The following NUP210 variants were observed in gnomAD, a reference collection of about 807,000 sequenced individuals.
NUP210 encodes nucleoporin 210.
In NUP210, 151 loss-of-function variants were observed where a neutral mutation model predicts 196.0. The observed-to-expected ratio is 0.77, with a 90% CI of 0.67 to 0.88. The LOEUF (loss-of-function observed/expected upper bound fraction) is 0.88. Among genes scored for constraint, NUP210 ranks in the 40% least tolerant of loss-of-function variants. The pLI is 0.00. For missense variants in NUP210, 2,314 were observed against 2,493.7 expected (o/e 0.93, Z 1.53); for synonymous variants, 1,070 against 1,052.7 (o/e 1.02, Z -0.32).
rs190246862 is a variant in NUP210 at position 13,339,395 on chromosome 3, G to A, written c.3471+459C>T. 3.3e-5 allele frequency among the ~76,000 whole-genome samples: 5 copies of A among 152,356 alleles called. No homozygotes were observed. The East Asian group carries it at 7.7e-4, about 24-fold the overall frequency. ...TACAGACCAGGTTTCTGGCGCAGCT[G>A]TGAGTGGAACCCCAAAGCAGCCTTC... On this transcript the variant is annotated intron_variant, in intron 25 of 39. Transcript: ENST00000254508.
Position 13,317,590 on chromosome 3 carries a change from G to T in NUP210, c.*91C>A. The T allele has an allele frequency of 3.1e-6, 3 of 962,414 alleles. No individual in the cohort carries two copies. Among genetic ancestry groups the T allele is most frequent in the Admixed American group, 2.0e-5 (1 of 50,168 alleles). 59.6% of individuals were successfully genotyped at this position (962,414 alleles called of 1,614,324 possible). ...GGGGCCGGGGCACTCATCTGGAGGG[G>T]CTTGTTCCAGTGTGAATGCAGCAGG... is the stretch of plus-strand genomic sequence containing the variant. On this transcript the variant is annotated 3_prime_UTR_variant, in exon 40 of 40. Transcript: ENST00000254508.
rs571340477 is a variant in NUP210, at chr3:13,384,260, C to T, written c.817+2015G>A. Among the ~76,000 whole-genome samples, 17 of 152,370 alleles carry T rather than the reference C, an allele frequency of 1.1e-4. No homozygotes were observed. The South Asian group carries it at 1.2e-3, about 11-fold the overall frequency. The stretch of plus-strand genomic sequence containing the variant: ...ATGGGCGTGAGCCACCACGCCCGGC[C>T]GGCCCTGTTGTTATAATTAGCTTTT... On this transcript the variant is annotated intron_variant, in intron 6 of 39. Transcript: ENST00000254508.
At chr3:13,330,991 T>C (rs1696975397) in intron 29 of NUP210, among the ~76,000 whole-genome samples, 1 of 152,138 alleles carries the variant, frequency 6.6e-6, no homozygotes, top group South Asian at 2.1e-4. Context: ...AGCAAATTGT[T>C]CTCAATTTAC....
chr3:13,382,600 A>G (rs1358274629), intron 6 of NUP210, among the ~76,000 whole-genome samples: 1 of 152,256 alleles, frequency 6.6e-6, no homozygotes, highest in Non-Finnish European at 1.5e-5. Context: ...AGAAGAAAAA[A>G]TTACTGTAAG....
At chr3:13,372,171 T>G in intron 12 of NUP210, 139 bp from the exon 13 acceptor site, 1 of 816,478 alleles carries the variant, frequency 1.2e-6, no homozygotes, top group Non-Finnish European at 1.9e-6. Context: ...AGTGGGGTGA[T>G]TCAGGGACAG....
rs893255345 is a variant in NUP210 at position 13,327,472 on chromosome 3, C to T, written c.4287-35G>A. The T allele has an allele frequency of 3.3e-5, 50 of 1,500,366 alleles. 2 individuals carry two copies. Among genetic ancestry groups the T allele is most frequent in the African/African-American group, 1.4e-4 (10 of 72,522 alleles). 92.9% of individuals were successfully genotyped at this position (1,500,366 alleles called of 1,614,324 possible). On this transcript the variant is annotated intron_variant, in intron 31 of 39. Transcript: ENST00000254508. ...GGAGAGAAAGGAGGGCTCTCAGTCT[C>T]GGGAAAGAAGCTTCCAACTCCCAAA...
intron 30 of NUP210, 66 bp downstream of exon 30, chr3:13,330,393 CT>C: frequency 6.8e-7 from 1 of 1,461,012 alleles, no homozygotes; most frequent in Admixed American, 1.9e-5. Flanking sequence ...ACTTTTACAC[CT>C]GAGAGGCATA....
intron 26 of NUP210, 54 bp from the exon 27 acceptor site, chr3:13,336,972 C>T (rs1697242746): frequency 6.2e-7 from 1 of 1,606,334 alleles, no homozygotes; most frequent in Non-Finnish European, 8.5e-7. Flanking sequence ...CTGGGAATGC[C>T]CCCAGAAGCT....
intron 15 of NUP210, 81 bp from the exon 16 acceptor site, chr3:13,358,476 TC>T (rs1423127423): frequency 1.5e-6 from 2 of 1,368,434 alleles, no homozygotes; most frequent in East Asian, 2.5e-5. Context: ...CCACCCCAGC[TC>T]CCTCTGACTC....
At chr3:13,408,554 C>T (rs950637846) in intron 1 of NUP210, among the ~76,000 whole-genome samples, 2 of 152,172 alleles carry the variant, frequency 1.3e-5, no homozygotes, top group Non-Finnish European at 2.9e-5. Flanking sequence ...CTTTGGGATG[C>T]CAAGGCATGT....
At chr3:13,342,653 C>T (rs965754045) in intron 21 of NUP210, among the ~76,000 whole-genome samples, 4 of 152,166 alleles carry the variant, frequency 2.6e-5, no homozygotes, top group Admixed American at 2.6e-4. Context: ...AGGAACCTGA[C>T]CGCAACCCTC....
Position 13,340,363 on chromosome 3 carries a change from A to C in NUP210, c.3229-65T>G. 3.3e-5 allele frequency: 46 copies of C among 1,390,868 alleles called. No homozygotes were observed. Among genetic ancestry groups the C allele is most frequent in the Non-Finnish European group, 4.5e-5 (44 of 980,340 alleles). The allele number at this position is 1,390,868 out of a possible 1,614,324, so 86.2% of individuals were successfully genotyped here. A position where few individuals can be genotyped will look rare whatever the true frequency, so the allele number is the denominator to read the frequency against. ...AAGCCCATGGCGCCAAGCATAACTC[A>C]CACACTACATGTTTCATGAGAGGAA... is the stretch of plus-strand genomic sequence containing the variant. On this transcript the variant is annotated intron_variant, in intron 23 of 39. Transcript: ENST00000254508. The surrounding 1 kb of genome is among the most constrained non-coding windows in gnomAD (Gnocchi z 4.0).
At chr3:13,417,923 A>G (rs1484634194) in intron 1 of NUP210, among the ~76,000 whole-genome samples, 1 of 152,192 alleles carries the variant, frequency 6.6e-6, no homozygotes, top group Non-Finnish European at 1.5e-5. Flanking sequence ...TTGGGGGGGA[A>G]AAAAGTGTTG....
intron 25 of NUP210, among the ~76,000 whole-genome samples, chr3:13,339,009 A>T (rs906105622): frequency 1.3e-5 from 2 of 152,150 alleles, no homozygotes; most frequent in African/African-American, 4.8e-5. Flanking sequence ...AAAACCACAG[A>T]GTCTCCTGTG....
rs115279640 is a variant in NUP210, at chr3:13,385,660, T to A, written c.817+615A>T. On this transcript the variant is annotated intron_variant, in intron 6 of 39. Transcript: ENST00000254508. ...AAACACAAAGCCCACAGCTCTGGAC[T>A]TGCTGCCACTGAAAGGGCATATACC... Among the ~76,000 whole-genome samples the A allele has an allele frequency of 7.9e-3, 1,201 of 152,362 alleles. 7 individuals carry two copies. Among genetic ancestry groups the A allele is most frequent in the Non-Finnish European group, 0.011 (727 of 68,042 alleles).
chr3:13,329,061 T>C, intron 30 of NUP210, 115 bp from the exon 31 acceptor site: 1 of 854,986 alleles, frequency 1.2e-6, no homozygotes. Flanking sequence ...TCAGGAACAA[T>C]GCAGGGCTGG....
chr3:13,325,984 C>CA, intron 32 of NUP210, 53 bp from the exon 33 acceptor site: 1 of 1,597,422 alleles, frequency 6.3e-7, no homozygotes, highest in African/African-American at 1.3e-5. Flanking sequence ...ACACTCCAGT[C>CA]AAAGCCCAGC....
At chr3:13,369,873 A>C (rs574918209) in intron 13 of NUP210, among the ~76,000 whole-genome samples, 3 of 152,242 alleles carry the variant, frequency 2.0e-5, no homozygotes, top group Non-Finnish European at 2.9e-5. Flanking sequence ...GGGACCGCCA[A>C]GTCCAACTGC....
intron 20 of NUP210, among the ~76,000 whole-genome samples, chr3:13,346,115 C>T (rs1231069558): frequency 1.3e-5 from 2 of 152,264 alleles, no homozygotes; most frequent in Non-Finnish European, 2.9e-5. Flanking sequence ...TGCTCTTCCA[C>T]TCGATTTCCC....
Sources: allele counts gnomAD v4.1 joint callset (sites outside exome capture counted in the v4.1 genomes callset), GRCh38; gene constraint gnomAD v4.1.1; non-coding constraint Gnocchi (gnomAD v3.1); transcripts MANE v1.5; gene names NCBI Gene and HGNC (gene_info 2026-07-23, HGNC 2026-07-21).